Variants in ZNF516 observed in about 807,000 individuals in gnomAD.
ZNF516 encodes zinc finger protein 516.
ZNF516 carries 19 observed loss-of-function variants against 79.7 expected under a neutral mutation model. That is an observed-to-expected ratio of 0.24 (90% CI 0.17 to 0.35). The LOEUF (loss-of-function observed/expected upper bound fraction) is 0.35, where lower values mean the gene tolerates loss of function less well. Ranked by LOEUF, ZNF516 falls within the 10% of genes least tolerant of loss-of-function variation. ZNF516 has a pLI of 1.00. For synonymous variants in ZNF516, 877 were observed against 739.5 expected, an observed-to-expected ratio of 1.19 and a Z score of -3.02; for missense variants, 1,678 against 1,679.5, an observed-to-expected ratio of 1.00 and a Z score of 0.02.
chr18:76,430,251 G>A (rs1224353431), intron 3 of ZNF516, among the ~76,000 whole-genome samples: 2 of 152,098 alleles, frequency 1.3e-5, no homozygotes, highest in African/African-American at 2.4e-5. Context: ...TCTTAAAAAT[G>A]AAAAAATTTC....
intron 3 of ZNF516, among the ~76,000 whole-genome samples, chr18:76,423,133 C>A (rs2075529407): frequency 6.6e-6 from 1 of 152,134 alleles, no homozygotes; most frequent in Non-Finnish European, 1.5e-5. Context: ...CCCATTAAAA[C>A]GGATGTCCAC....
chr18:76,452,990 G>A (rs9967461), intron 2 of ZNF516, among the ~76,000 whole-genome samples: 3,789 of 152,224 alleles, frequency 0.025, 65 homozygotes, highest in Middle Eastern at 0.034. Flanking sequence ...CAGAAGGGAA[G>A]GAGCCTCGTT....
chr18:76,466,449 G>A (rs939625206), intron 1 of ZNF516, among the ~76,000 whole-genome samples: 2 of 152,188 alleles, frequency 1.3e-5, no homozygotes, highest in Non-Finnish European at 2.9e-5. Flanking sequence ...GGAGGCCGAC[G>A]CTCTGCACGC....
intron 3 of ZNF516, among the ~76,000 whole-genome samples, chr18:76,438,596 G>C (rs1443613593): frequency 6.6e-6 from 1 of 151,998 alleles, no homozygotes; most frequent in Non-Finnish European, 1.5e-5. Flanking sequence ...CTGTGACCAA[G>C]TCTTATGTGG....
Position 76,361,502 on chromosome 18 carries a change from G to C in ZNF516, c.*996C>G. 1 of 152,250 alleles carries C rather than the reference G, an allele frequency of 6.6e-6. No individual in the cohort carries two copies. Among genetic ancestry groups the C allele is most frequent in the South Asian group, 2.1e-4 (1 of 4,820 alleles). 9.4% of individuals were successfully genotyped at this position (152,250 alleles called of 1,614,324 possible). On this transcript the variant is annotated 3_prime_UTR_variant, in exon 7 of 7. Transcript: ENST00000443185. Reference sequence around the variant, plus strand: ...ACTTGCTGGGGTGGCTCAGGGAAGGGGCGGGGAGGCAAAGAGTGGGGACAG... The same window carrying C: ...ACTTGCTGGGGTGGCTCAGGGAAGGCGCGGGGAGGCAAAGAGTGGGGACAG...
chr18:76,421,919 A>G (rs1334574066), intron 3 of ZNF516, among the ~76,000 whole-genome samples: 2 of 152,138 alleles, frequency 1.3e-5, no homozygotes, highest in Non-Finnish European at 2.9e-5. Context: ...TCACACATGG[A>G]TCAAACTGTA....
At chr18:76,483,430 C>T (rs938826413) in intron 1 of ZNF516, among the ~76,000 whole-genome samples, 1 of 152,240 alleles carries the variant, frequency 6.6e-6, no homozygotes, top group Non-Finnish European at 1.5e-5. Flanking sequence ...CTGCCGCCTC[C>T]CTGCCCACTC....
rs117018723 is a variant in ZNF516 at position 76,414,365 on chromosome 18, G to T, written c.1810+26880C>A. On this transcript the variant is annotated intron_variant, in intron 3 of 6. Coordinates refer to ENST00000443185, the MANE Select transcript of ZNF516 (RefSeq NM_014643.4). ...TGTTATTTTCCTCAGCTGGGTTTCA[G>T]TTTATTTTAAGGGTTTTCATCCCTA... Among the ~76,000 whole-genome samples, 297 of 152,322 alleles carry T rather than the reference G, an allele frequency of 1.9e-3. 3 individuals are homozygous for T. Among genetic ancestry groups the T allele is most frequent in the Non-Finnish European group, 3.6e-3 (244 of 68,018 alleles).
chr18:76,375,992 G>A (rs2144986750), intron 4 of ZNF516, among the ~76,000 whole-genome samples: 1 of 152,210 alleles, frequency 6.6e-6, no homozygotes, highest in South Asian at 2.1e-4. Flanking sequence ...AGGTCCCGGA[G>A]ACCAGGCAGA....
chr18:76,479,384 A>T (rs952020266), intron 1 of ZNF516, among the ~76,000 whole-genome samples: 1 of 152,216 alleles, frequency 6.6e-6, no homozygotes, highest in Non-Finnish European at 1.5e-5. Flanking sequence ...TGTTTTCTGA[A>T]ATTCTCCCGG....
chr18:76,437,403 G>A (rs1008417444), intron 3 of ZNF516, among the ~76,000 whole-genome samples: 3 of 151,884 alleles, frequency 2.0e-5, no homozygotes, highest in African/African-American at 7.3e-5. Flanking sequence ...TGAAGGTAGA[G>A]CCATTTCCTC....
chr18:76,474,625 C>T (rs1285263477), intron 1 of ZNF516, among the ~76,000 whole-genome samples: 1 of 151,950 alleles, frequency 6.6e-6, no homozygotes, highest in African/African-American at 2.4e-5. Context: ...CAACCAGTAA[C>T]AAAAATATAA....
intron 2 of ZNF516, among the ~76,000 whole-genome samples, chr18:76,445,230 C>G (rs1392756185): frequency 6.7e-6 from 1 of 149,262 alleles, no homozygotes; most frequent in African/African-American, 2.5e-5. Context: ...GCACCCCAGC[C>G]TGGGTGACAG....
In ZNF516 at chr18:76,463,672, A is replaced by G. The variant is rs1599131056; in HGVS notation, c.-271-531T>C. Among the ~76,000 whole-genome samples, 2 of 152,308 alleles carry G rather than the reference A, an allele frequency of 1.3e-5. 1 individual carries two copies. Among genetic ancestry groups the G allele is most frequent in the Non-Finnish European group, 2.9e-5 (2 of 68,030 alleles). ...CGTTTACAAAACACACTAGGGTACTAGGGAGCCAGTCTGTGACCGCAACGC... is the reference window on the plus strand; with the variant it reads ...CGTTTACAAAACACACTAGGGTACTGGGGAGCCAGTCTGTGACCGCAACGC... On this transcript the variant is annotated intron_variant, in intron 1 of 6. Transcript: ENST00000443185.
At chr18:76,422,287 G>A (rs555799688) in intron 3 of ZNF516, among the ~76,000 whole-genome samples, 1 of 152,304 alleles carries the variant, frequency 6.6e-6, no homozygotes, top group East Asian at 1.9e-4. Context: ...GCGGAGAGCG[G>A]GCCGGTCCCT....
chr18:76,472,224 T>C (rs923114423), intron 1 of ZNF516, among the ~76,000 whole-genome samples: 1 of 152,194 alleles, frequency 6.6e-6, no homozygotes, highest in Non-Finnish European at 1.5e-5. Flanking sequence ...CCCATTGCCC[T>C]TGGGACGGAG....
intron 3 of ZNF516, among the ~76,000 whole-genome samples, chr18:76,419,260 G>GT (rs1308624994): frequency 6.6e-6 from 1 of 152,204 alleles, no homozygotes; most frequent in East Asian, 1.9e-4. Flanking sequence ...ATAGAGACAA[G>GT]TATCTTCCAG....
rs1911772074 is a variant in ZNF516 at position 76,442,664 on chromosome 18, C to A, written c.391G>T (p.Ala131Ser). The change falls in exon 3 of 7, where the codon GCC becomes TCC. Residue 131 changes from alanine (A) to serine (S), a missense_variant. By Grantham distance (99) the Ala-to-Ser change is moderately conservative. This residue lies in a region of ZNF516 where 279 missense variants were observed against 254.1 expected (regional missense o/e 1.10). Coordinates refer to ENST00000443185, the MANE Select transcript of ZNF516 (RefSeq NM_014643.4). ...ACCCTGGCGCCGTCGGCCTGCGAGG[C>A]CCCGTTCAGCAGCCGGTTGCAGGCC... ...ASACNRLLNG[A>S]SQADGARVLN... 4.4e-6 allele frequency: 7 copies of A among 1,584,802 alleles called. No homozygotes were observed. The highest frequency in any genetic ancestry group is 5.1e-6 in the Non-Finnish European group (6 of 1,170,030).
Position 76,373,124 on chromosome 18 carries a change from T to G in ZNF516, c.3260-1553A>C, listed in dbSNP as rs1018719877. On this transcript the variant is annotated intron_variant, in intron 4 of 6. Transcript: ENST00000443185. ...GAGATCACACCACTGCACTCCAGCC[T>G]AGGTGACAGAGTGAGATTCTGTCTT... Among the ~76,000 whole-genome samples, 19 of 151,964 alleles carry G rather than the reference T, an allele frequency of 1.3e-4. No individual in the cohort carries two copies. In the East Asian group the frequency reaches 3.3e-3, roughly 26 times the overall value.
Sources: allele counts gnomAD v4.1 joint callset (sites outside exome capture counted in the v4.1 genomes callset), GRCh38; gene constraint gnomAD v4.1.1; regional missense constraint gnomAD v4.1.1; transcripts MANE v1.5; gene names NCBI Gene and HGNC (gene_info 2026-07-23, HGNC 2026-07-21).